Variants in STPG2 observed in about 807,000 individuals in gnomAD.
STPG2 encodes sperm-tail PG-rich repeat-containing protein 2.
STPG2 carries 56 observed loss-of-function variants against 54.2 expected under a neutral mutation model. The observed-to-expected ratio is 1.03, with a 90% CI of 0.83 to 1.29. The LOEUF is 1.29. STPG2 is among the 50% of genes most tolerant of loss of function. STPG2 has a pLI of 0.00. For synonymous variants in STPG2, 200 were observed against 181.8 expected, an observed-to-expected ratio of 1.10 and a Z score of -0.81; for missense variants, 596 against 544.9, an observed-to-expected ratio of 1.09 and a Z score of -0.93.
intron 9 of STPG2, among the ~76,000 whole-genome samples, chr4:97,783,445 C>T (rs1391107332): frequency 4.6e-5 from 7 of 152,130 alleles, no homozygotes; most frequent in South Asian, 2.1e-4. Context: ...GAGAGGATTT[C>T]GAGAAATAGG....
At chr4:98,016,373 C>A (rs1203375461) in intron 5 of STPG2, among the ~76,000 whole-genome samples, 1 of 152,100 alleles carries the variant, frequency 6.6e-6, no homozygotes, top group African/African-American at 2.4e-5. Flanking sequence ...CATTCTTTTT[C>A]TATGCTCCTC....
chr4:97,811,372 T>A (rs1446416174), intron 9 of STPG2, among the ~76,000 whole-genome samples: 1 of 152,156 alleles, frequency 6.6e-6, no homozygotes, highest in East Asian at 1.9e-4. Flanking sequence ...AGTAACAGCC[T>A]TTGATGAATT....
At chr4:98,024,363 G>A (rs896290495) in intron 5 of STPG2, among the ~76,000 whole-genome samples, 1 of 152,062 alleles carries the variant, frequency 6.6e-6, no homozygotes, top group Non-Finnish European at 1.5e-5. Flanking sequence ...ATCAGAGTGT[G>A]GATAGCTACC....
intron 5 of STPG2, among the ~76,000 whole-genome samples, chr4:98,025,139 G>T (rs1419601823): frequency 1.3e-5 from 2 of 152,188 alleles, no homozygotes; most frequent in African/African-American, 4.8e-5. Context: ...TGCAGTTCAA[G>T]TGAATTTAAG....
At chr4:98,117,073 T>C (rs1739542732) in intron 3 of STPG2, among the ~76,000 whole-genome samples, 1 of 152,030 alleles carries the variant, frequency 6.6e-6, no homozygotes, top group Admixed American at 6.6e-5. Flanking sequence ...TATTGTCTGA[T>C]AACATTTCAT....
chr4:97,458,643 CT>C (rs1229941801), intron 4 of STPG2, among the ~76,000 whole-genome samples: 1 of 151,970 alleles, frequency 6.6e-6, no homozygotes, highest in Admixed American at 6.6e-5. Flanking sequence ...TGATTAATGC[CT>C]TTTCAAAGCA....
intron 3 of STPG2, among the ~76,000 whole-genome samples, chr4:98,124,143 T>C (rs1739765243): frequency 6.6e-6 from 1 of 152,216 alleles, no homozygotes; most frequent in African/African-American, 2.4e-5. Flanking sequence ...CCTGCTATTC[T>C]GTGTCTTTTA....
At chr4:97,844,849 C>T (rs1379510228) in intron 8 of STPG2, among the ~76,000 whole-genome samples, 2 of 151,992 alleles carry the variant, frequency 1.3e-5, no homozygotes, top group Non-Finnish European at 2.9e-5. Flanking sequence ...TCTCAAACTA[C>T]TCGTATTGTT....
At chr4:97,599,543 G>A (rs951345400) in intron 10 of STPG2, among the ~76,000 whole-genome samples, 1 of 152,114 alleles carries the variant, frequency 6.6e-6, no homozygotes, top group African/African-American at 2.4e-5. Flanking sequence ...GTACATATAG[G>A]CCGGGTGCGG....
At chr4:97,795,723 G>C (rs1727149639) in intron 9 of STPG2, among the ~76,000 whole-genome samples, 2 of 152,178 alleles carry the variant, frequency 1.3e-5, no homozygotes, top group African/African-American at 4.8e-5. Context: ...CCAGTAATGG[G>C]ATGGCTGGGT....
intron 10 of STPG2, among the ~76,000 whole-genome samples, chr4:97,701,824 C>T (rs1723787246): frequency 6.6e-6 from 1 of 152,228 alleles, no homozygotes; most frequent in Non-Finnish European, 1.5e-5. Context: ...CTGTCCATCA[C>T]AGTAGCTACG....
At chr4:97,903,206 C>G (rs1731246469) in intron 8 of STPG2, among the ~76,000 whole-genome samples, 1 of 151,958 alleles carries the variant, frequency 6.6e-6, no homozygotes, top group Non-Finnish European at 1.5e-5. Flanking sequence ...GAATAGATCT[C>G]AATTATTCTA....
intron 9 of STPG2, among the ~76,000 whole-genome samples, chr4:97,776,254 G>A (rs1726372553): frequency 6.6e-6 from 1 of 152,152 alleles, no homozygotes; most frequent in African/African-American, 2.4e-5. Context: ...AAACCTATAA[G>A]GTAGGCACTA....
chr4:98,002,480 G>C (rs948947682), intron 5 of STPG2, among the ~76,000 whole-genome samples: 5 of 151,948 alleles, frequency 3.3e-5, no homozygotes, highest in African/African-American at 1.2e-4. Flanking sequence ...AAAAGAAGTA[G>C]GAAAGTAGCT....
intron 4 of STPG2, among the ~76,000 whole-genome samples, chr4:97,519,110 C>T (rs968574128): frequency 6.6e-6 from 1 of 151,568 alleles, no homozygotes; most frequent in South Asian, 2.1e-4. Context: ...GATTTAAGAC[C>T]GAATAATTTA....
intron 5 of STPG2, among the ~76,000 whole-genome samples, chr4:98,083,840 C>T (rs1000781224): frequency 9.9e-5 from 15 of 152,168 alleles, no homozygotes; most frequent in Non-Finnish European, 8.8e-5. Context: ...GACAATTCTT[C>T]CACAGCTAAT....
intron 5 of STPG2, among the ~76,000 whole-genome samples, chr4:98,071,614 A>ATCTT (rs1738004870): frequency 6.6e-6 from 1 of 152,236 alleles, no homozygotes; most frequent in African/African-American, 2.4e-5. Context: ...AACTATCATC[A>ATCTT]GAGTGAATAG....
intron 10 of STPG2, among the ~76,000 whole-genome samples, chr4:97,618,133 C>T (rs1270073200): frequency 6.6e-6 from 1 of 152,098 alleles, no homozygotes; most frequent in Admixed American, 6.6e-5. Flanking sequence ...GCTTTCTTGG[C>T]CTGTCTTACT....
rs185886204 is a variant in STPG2, at chr4:97,863,506, T to C, written c.1045-22574A>G. ...AGGACCAGATGGATTCATAGCCGAA[T>C]TCTACCAGAGGTACAAGGAGGAGCT... On this transcript the variant is annotated intron_variant, in intron 8 of 10. Coordinates refer to ENST00000295268, the MANE Select transcript of STPG2 (RefSeq NM_174952.3). 9.2e-3 allele frequency among the ~76,000 whole-genome samples: 1,407 copies of C among 152,316 alleles called. 25 individuals carry two copies. Among genetic ancestry groups the C allele is most frequent in the African/African-American group, 0.032 (1,323 of 41,580 alleles).
Sources: gnomAD v4.1 joint callset for allele counts (sites outside exome capture counted in the v4.1 genomes callset) on GRCh38, gnomAD v4.1.1 for gene constraint, MANE v1.5 for transcripts, NCBI Gene and HGNC (gene_info 2026-07-23, HGNC 2026-07-21) for gene names.